EGLN3: variants seen among roughly 807,000 people sequenced by gnomAD.
The protein encoded by EGLN3 is egl-9 family hypoxia inducible factor 3, also known as prolyl hydroxylase EGLN3.
In EGLN3, 15 loss-of-function variants were observed where a neutral mutation model predicts 26.0. That is an observed-to-expected ratio of 0.58 (90% CI 0.39 to 0.89). The LOEUF is 0.89. EGLN3 is among the 40% of genes least tolerant of loss of function. The probability of loss-of-function intolerance (pLI) is 0.00; values close to 1 mark genes in which losing one functional copy is unlikely to be tolerated. For synonymous variants in EGLN3, 147 were observed against 127.2 expected (o/e 1.16, Z -1.05); for missense variants, 238 against 311.6 (o/e 0.76, Z 1.78).
At chr14:33,927,153 A>ATTTATTTT (rs1398400012) in intron 3 of EGLN3, 120 bp from the exon 4 acceptor site, 2 of 52,360 alleles carry the variant, frequency 3.8e-5, no homozygotes, top group Admixed American at 1.2e-3. Context: ...GTCTACCCTG[A>ATTTATTTT]TTTATTTATT....
intron 3 of EGLN3, among the ~76,000 whole-genome samples, chr14:33,928,835 A>C (rs572923873): frequency 3.9e-5 from 6 of 152,332 alleles, no homozygotes; most frequent in African/African-American, 1.4e-4. Flanking sequence ...AGAAATTGGA[A>C]TCCAATATGC....
chr14:33,936,362 G>A (rs114758302), intron 1 of EGLN3, among the ~76,000 whole-genome samples: 2 of 152,140 alleles, frequency 1.3e-5, no homozygotes, highest in African/African-American at 4.8e-5. Flanking sequence ...GCCAGAAATG[G>A]GTCTCATTTA....
chr14:33,931,465 CAGT>C, intron 1 of EGLN3: 1 of 462,818 alleles, frequency 2.2e-6, no homozygotes, highest in East Asian at 3.7e-5. Flanking sequence ...ACATTTTACA[CAGT>C]CTTTCTTAAA....
At chr14:33,933,008 G>T (rs1432407511) in intron 1 of EGLN3, among the ~76,000 whole-genome samples, 2 of 152,056 alleles carry the variant, frequency 1.3e-5, no homozygotes, top group Non-Finnish European at 2.9e-5. Context: ...TATTATCTCA[G>T]GCTCCCCCCA....
intron 1 of EGLN3, among the ~76,000 whole-genome samples, chr14:33,947,880 T>C (rs1300120498): frequency 9.9e-5 from 15 of 152,100 alleles, no homozygotes; most frequent in Admixed American, 7.9e-4. Context: ...TGAAACCCCG[T>C]CTCTACTAAA....
At position 33,931,219 on chromosome 14, in the gene EGLN3, T is replaced by G; in HGVS notation, c.358-4A>C. On this transcript the variant is annotated splice_region_variant and splice_polypyrimidine_tract_variant and intron_variant, in intron 1 of 4. Transcript: ENST00000250457. The stretch of plus-strand genomic sequence containing the variant: ...CCGGATAGCAAGCCACCATTGCCTA[T>G]GGAGAAATCCCAAGAAAGCTGGTTA... 1 of 1,614,110 alleles carries G rather than the reference T, an allele frequency of 6.2e-7. No homozygotes were observed. The highest frequency in any genetic ancestry group is 1.3e-5 in the African/African-American group (1 of 75,044).
At chr14:33,929,364 C>A in intron 2 of EGLN3, 152 bp from the exon 3 acceptor site, 1 of 1,001,056 alleles carries the variant, frequency 1.0e-6, no homozygotes, top group Non-Finnish European at 1.4e-6. Flanking sequence ...TAGTTTGTAC[C>A]AATTTGAGAT....
chr14:33,934,311 T>C (rs1277744531), intron 1 of EGLN3, among the ~76,000 whole-genome samples: 1 of 152,092 alleles, frequency 6.6e-6, no homozygotes, highest in African/African-American at 2.4e-5. Flanking sequence ...TATGCAGCCA[T>C]GTCCAGACAA....
At chr14:33,934,056 T>A (rs993986854) in intron 1 of EGLN3, among the ~76,000 whole-genome samples, 14 of 152,248 alleles carry the variant, frequency 9.2e-5, no homozygotes, top group Non-Finnish European at 1.9e-4. Context: ...AACACAGTAG[T>A]GTCATCTACA....
At chr14:33,935,289 T>C (rs117413493) in intron 1 of EGLN3, among the ~76,000 whole-genome samples, 1 of 152,210 alleles carries the variant, frequency 6.6e-6, no homozygotes, top group African/African-American at 2.4e-5. Context: ...CAACTGAAGC[T>C]GTAGAACGTC....
chr14:33,931,350 T>C, intron 1 of EGLN3, 135 bp from the exon 2 acceptor site: 1 of 1,344,076 alleles, frequency 7.4e-7, no homozygotes, highest in Non-Finnish European at 1.0e-6. Context: ...GCTTCTTAAT[T>C]TCATGTATGG....
At chr14:33,926,032 A>G in intron 4 of EGLN3, 110 bp from the exon 5 acceptor site, 1 of 1,018,944 alleles carries the variant, frequency 9.8e-7, no homozygotes, top group Non-Finnish European at 1.5e-6. Flanking sequence ...CATCTTATAT[A>G]AGCCTCCTAA....
At chr14:33,930,366 T>C (rs1163711962) in intron 2 of EGLN3, among the ~76,000 whole-genome samples, 2 of 152,222 alleles carry the variant, frequency 1.3e-5, no homozygotes, top group Non-Finnish European at 2.9e-5. Context: ...GGATAAATAT[T>C]ATTGCTTTAT....
chr14:33,950,375 A>G, intron 1 of EGLN3, 21 bp downstream of exon 1: 1 of 1,609,778 alleles, frequency 6.2e-7, no homozygotes, highest in Non-Finnish European at 8.5e-7. Flanking sequence ...CAGCTGCGGC[A>G]GGGCGCCGAG....
chr14:33,943,122 G>T (rs1392034187), intron 1 of EGLN3, among the ~76,000 whole-genome samples: 1 of 152,168 alleles, frequency 6.6e-6, no homozygotes, highest in East Asian at 1.9e-4. Flanking sequence ...TGTCATACCG[G>T]TTTAAGATGG....
At chr14:33,933,724 G>A (rs573999895) in intron 1 of EGLN3, among the ~76,000 whole-genome samples, 12 of 152,174 alleles carry the variant, frequency 7.9e-5, no homozygotes, top group South Asian at 2.1e-4. Context: ...AGGATGCACC[G>A]AGAAGCAAGC....
chr14:33,937,939 G>A (rs1050233889), intron 1 of EGLN3, among the ~76,000 whole-genome samples: 11 of 152,190 alleles, frequency 7.2e-5, no homozygotes, highest in African/African-American at 2.7e-4. Flanking sequence ...TGCCTGAATA[G>A]CAGAGAATTT....
intron 3 of EGLN3, among the ~76,000 whole-genome samples, chr14:33,927,308 A>G (rs1051639697): frequency 2.0e-5 from 3 of 151,950 alleles, no homozygotes; most frequent in African/African-American, 7.3e-5. Flanking sequence ...AGCTGGGACT[A>G]CAGGTGCACG....
chr14:33,946,048 C>T (rs934248243), intron 1 of EGLN3, among the ~76,000 whole-genome samples: 4 of 152,116 alleles, frequency 2.6e-5, no homozygotes, highest in Admixed American at 1.3e-4. Context: ...AGGAATCCTA[C>T]GAACAAACCC....
Sources: gnomAD v4.1 joint callset for allele counts (sites outside exome capture counted in the v4.1 genomes callset) on GRCh38, gnomAD v4.1.1 for gene constraint, MANE v1.5 for transcripts, NCBI Gene and HGNC (gene_info 2026-07-23, HGNC 2026-07-21) for gene names.